EXTL3: variants seen among roughly 807,000 people sequenced by gnomAD.
EXTL3 encodes the protein exostosin-like 3.
Under a neutral mutation model 69.3 loss-of-function variants are expected in EXTL3, and 27 were observed. The ratio of observed to expected loss-of-function variants is 0.39; its 90% CI spans 0.29 to 0.54. The LOEUF is 0.54. Ranked by LOEUF, EXTL3 falls within the 20% of genes least tolerant of loss-of-function variation. The pLI is 0.69. For synonymous variants in EXTL3, 511 were observed against 499.4 expected (o/e 1.02, Z -0.31); for missense variants, 1,003 against 1,231.8 (o/e 0.81, Z 2.78).
In EXTL3 at chr8:28,641,307, C is replaced by T. The variant is rs748757396; in HGVS notation, c.-53+18497C>T. ...TTCCCTATTGCTTCTGTGAAGTTTA[C>T]AGGACTCACTGTTAACTTCACAGGG... On this transcript the variant is annotated intron_variant, in intron 1 of 6. Coordinates refer to the EXTL3 transcript ENST00000523149. Among the ~76,000 whole-genome samples the T allele has an allele frequency of 1.2e-3, 188 of 152,234 alleles. 1 individual carries two copies. Among genetic ancestry groups the T allele is most frequent in the Non-Finnish European group, 2.6e-4 (18 of 68,018 alleles).
chr8:28,690,519 CAGGTTTGTTGTAGTAAACTTGTGTCATGG>C (rs1800598963), intron 1 of EXTL3, among the ~76,000 whole-genome samples: 1 of 152,012 alleles, frequency 6.6e-6, no homozygotes, highest in Non-Finnish European at 1.5e-5. Context: ...GGTACATGTG[CAGGTTTGTTGTAGTAAACTTGTGTCATGG>C]GGGTTTGTTG....
rs147494708 is a variant in EXTL3, at chr8:28,665,448, C to T, written c.-53+42638C>T. Among the ~76,000 whole-genome samples, 637 of 131,410 alleles carry T rather than the reference C, an allele frequency of 4.8e-3. 8 individuals are homozygous for T. The highest frequency in any genetic ancestry group is 0.018 in the African/African-American group (617 of 34,790). The allele number at this position is 131,410 out of a possible 152,430, so 86.2% of individuals were successfully genotyped here. A position where few individuals can be genotyped will look rare whatever the true frequency, so the allele number is the denominator to read the frequency against. On this transcript the variant is annotated intron_variant, in intron 1 of 6. Transcript: ENST00000523149. ...TTTTTTTTTTTTTTTGAGACAGGGT[C>T]TTGCTCTGTCACCCTGGCTGGAGTG...
intron 1 of EXTL3, chr8:28,710,576 T>A (rs1185085356): frequency 4.9e-6 from 2 of 406,554 alleles, no homozygotes; most frequent in East Asian, 7.2e-5. Context: ...TATGTCTATA[T>A]TCATGAGAGA....
At chr8:28,644,353 G>T (rs1267138533) in intron 1 of EXTL3, among the ~76,000 whole-genome samples, 1 of 151,996 alleles carries the variant, frequency 6.6e-6, no homozygotes, top group African/African-American at 2.4e-5. Flanking sequence ...ATTACTCTGG[G>T]TGTATGCTTG....
At chr8:28,747,286 C>G (rs1320440895) in intron 6 of EXTL3, among the ~76,000 whole-genome samples, 1 of 152,140 alleles carries the variant, frequency 6.6e-6, no homozygotes, top group African/African-American at 2.4e-5. Context: ...CCGAAGGGTT[C>G]TAAGAGAGCA....
chr8:28,608,810 G>C (rs533867234), intron 2 of EXTL3, among the ~76,000 whole-genome samples: 9 of 152,168 alleles, frequency 5.9e-5, no homozygotes, highest in Non-Finnish European at 1.3e-4. Context: ...GTTCAGCCAA[G>C]ATTATGCCAC....
intron 1 of EXTL3, among the ~76,000 whole-genome samples, chr8:28,685,623 C>T (rs183827056): frequency 2.8e-4 from 42 of 152,050 alleles, no homozygotes; most frequent in African/African-American, 6.7e-4. Flanking sequence ...CCACCCTGCC[C>T]GTCCTTTCTT....
At chr8:28,667,873 GAA>G in intron 1 of EXTL3, among the ~76,000 whole-genome samples, 1 of 150,114 alleles carries the variant, frequency 6.7e-6, no homozygotes, top group East Asian at 1.9e-4. Context: ...AAAAAAAAAA[GAA>G]TATTTTCTTC....
chr8:28,637,927 A>G (rs1053858389), intron 1 of EXTL3, among the ~76,000 whole-genome samples: 1 of 152,130 alleles, frequency 6.6e-6, no homozygotes, highest in Non-Finnish European at 1.5e-5. Context: ...TGCAAAAGTC[A>G]CAACCAATTC....
At chr8:28,698,674 C>A (rs1208865628), upstream of EXTL3, among the ~76,000 whole-genome samples, 1 of 152,070 alleles carries the variant, frequency 6.6e-6, no homozygotes, top group Non-Finnish European at 1.5e-5. Flanking sequence ...ATGGTTGAAA[C>A]CCCGTCTCTA....
At chr8:28,671,124 G>A (rs529312689) in intron 1 of EXTL3, among the ~76,000 whole-genome samples, 3 of 151,842 alleles carry the variant, frequency 2.0e-5, no homozygotes, top group Admixed American at 1.3e-4. Context: ...GGGATTACAG[G>A]TGTGTGCTAC....
At chr8:28,736,393 C>T (rs1225387512) in intron 4 of EXTL3, among the ~76,000 whole-genome samples, 1 of 152,208 alleles carries the variant, frequency 6.6e-6, no homozygotes, top group Non-Finnish European at 1.5e-5. Context: ...TTCTGCAGGC[C>T]TGTCAGGTCC....
At chr8:28,651,278 T>G (rs1286632595) in intron 1 of EXTL3, among the ~76,000 whole-genome samples, 1 of 152,174 alleles carries the variant, frequency 6.6e-6, no homozygotes, top group African/African-American at 2.4e-5. Context: ...TGCTGCTGTT[T>G]GCACTAGACC....
At chr8:28,644,990 T>C (rs1191001600) in intron 1 of EXTL3, among the ~76,000 whole-genome samples, 1 of 152,196 alleles carries the variant, frequency 6.6e-6, no homozygotes. Context: ...CCAACTAGTC[T>C]TTCTCATTTT....
upstream of EXTL3, chr8:28,697,848 A>C (rs1172166443): frequency 2.0e-5 from 3 of 152,106 alleles, no homozygotes; most frequent in Non-Finnish European, 4.4e-5. Context: ...AAAAAAAAAA[A>C]AAACTACATA....
At chr8:28,719,010 G>A (rs1433438902) in intron 3 of EXTL3, among the ~76,000 whole-genome samples, 1 of 152,154 alleles carries the variant, frequency 6.6e-6, no homozygotes, top group East Asian at 1.9e-4. Flanking sequence ...TCTCTTAAAT[G>A]TGCAGCCTTA....
At chr8:28,679,317 G>C (rs750219682) in intron 1 of EXTL3, among the ~76,000 whole-genome samples, 1 of 152,098 alleles carries the variant, frequency 6.6e-6, no homozygotes, top group Admixed American at 6.6e-5. Context: ...GTGGTGGCGC[G>C]TGCCTGTAGT....
intron 1 of EXTL3, among the ~76,000 whole-genome samples, chr8:28,650,382 A>G (rs563703426): frequency 6.6e-6 from 1 of 151,380 alleles, no homozygotes; most frequent in Admixed American, 6.6e-5. Flanking sequence ...TTATTTTGAG[A>G]CAGAGTCTTG....
At chr8:28,625,356 A>G (rs559426519) in intron 1 of EXTL3, among the ~76,000 whole-genome samples, 1 of 152,366 alleles carries the variant, frequency 6.6e-6, no homozygotes, top group Admixed American at 6.5e-5. Flanking sequence ...GTTAAAACAC[A>G]TCATTTATTT....
Sources: allele counts gnomAD v4.1 joint callset (sites outside exome capture counted in the v4.1 genomes callset), GRCh38; gene constraint gnomAD v4.1.1; transcripts MANE v1.5; gene names NCBI Gene and HGNC (gene_info 2026-07-23, HGNC 2026-07-21).